Variants in TTC28 observed in about 807,000 individuals in gnomAD.
The protein encoded by TTC28 is tetratricopeptide repeat protein 28.
A neutral mutation model predicts 198.0 loss-of-function variants in TTC28; 61 were observed. The ratio of observed to expected loss-of-function variants is 0.31; its 90% CI spans 0.25 to 0.38. The LOEUF (loss-of-function observed/expected upper bound fraction) is 0.38, where lower values mean the gene tolerates loss of function less well. TTC28 is among the 10% of genes least tolerant of loss of function. TTC28 has a pLI of 1.00. For synonymous variants in TTC28, 1,171 were observed against 1,297.8 expected (o/e 0.90, Z 2.10); for missense variants, 2,678 against 3,164.0 (o/e 0.85, Z 3.69).
At chr22:28,006,495 C>T in intron 14 of TTC28, 1 of 152,226 alleles carries the variant, frequency 6.6e-6, no homozygotes, top group Non-Finnish European at 1.5e-5. Context: ...TTCCCTTTCT[C>T]TCTGGCGTTT....
At chr22:28,215,215 G>A (rs1927291123) in intron 5 of TTC28, among the ~76,000 whole-genome samples, 1 of 152,100 alleles carries the variant, frequency 6.6e-6, no homozygotes, top group South Asian at 2.1e-4. Context: ...ACACCAACAT[G>A]GCACATGTGT....
At chr22:28,364,076 CAG>C (rs777815139) in intron 2 of TTC28, among the ~76,000 whole-genome samples, 1 of 152,140 alleles carries the variant, frequency 6.6e-6, no homozygotes, top group Non-Finnish European at 1.5e-5. Context: ...TGGGAGGAAT[CAG>C]GGGCAGAATT....
chr22:27,989,464 G>A (rs563986826), intron 21 of TTC28, among the ~76,000 whole-genome samples: 2 of 152,320 alleles, frequency 1.3e-5, no homozygotes, highest in African/African-American at 4.8e-5. Context: ...CAGTGCAGAG[G>A]AAATGGCACA....
chr22:28,166,922 T>A (rs892017093), intron 5 of TTC28, among the ~76,000 whole-genome samples: 1 of 152,052 alleles, frequency 6.6e-6, no homozygotes, highest in African/African-American at 2.4e-5. Flanking sequence ...GATGGACTGC[T>A]AGAAAGACTA....
At chr22:28,637,469 A>G (rs989899701) in intron 1 of TTC28, among the ~76,000 whole-genome samples, 6 of 152,352 alleles carry the variant, frequency 3.9e-5, no homozygotes, top group African/African-American at 1.4e-4. Context: ...ATAGACTGCT[A>G]TAACTATGTT....
intron 12 of TTC28, among the ~76,000 whole-genome samples, chr22:28,039,367 G>A (rs1376016212): frequency 6.6e-6 from 1 of 152,156 alleles, no homozygotes; most frequent in Non-Finnish European, 1.5e-5. Context: ...CATGTCCTTT[G>A]TAGGGACATG....
At chr22:28,113,024 T>C (rs1200418269) in intron 6 of TTC28, among the ~76,000 whole-genome samples, 4 of 152,222 alleles carry the variant, frequency 2.6e-5, no homozygotes, top group Non-Finnish European at 5.9e-5. Flanking sequence ...AATGCGATCA[T>C]GCTCAGCAGA....
chr22:28,247,403 A>G (rs1198109928), intron 5 of TTC28, among the ~76,000 whole-genome samples: 2 of 152,192 alleles, frequency 1.3e-5, no homozygotes, highest in African/African-American at 2.4e-5. Context: ...TTACAGTTCA[A>G]CTCAGCTCAA....
chr22:28,622,191 T>C (rs1271694844), intron 2 of TTC28, among the ~76,000 whole-genome samples: 1 of 152,184 alleles, frequency 6.6e-6, no homozygotes, highest in Non-Finnish European at 1.5e-5. Flanking sequence ...ATAGTTTTTC[T>C]GGCCTGAGGA....
rs1229801209 is a variant in TTC28 at position 28,371,509 on chromosome 22, C to CAAAAAAAAAAAAAAAAAAAAAA, written c.382-64867_382-64866insTTTTTTTTTTTTTTTTTTTTTT. Among the ~76,000 whole-genome samples, 23 of 6,104 alleles carry CAAAAAAAAAAAAAAAAAAAAAA rather than the reference C, an allele frequency of 3.8e-3. 3 individuals carry two copies. Among genetic ancestry groups the CAAAAAAAAAAAAAAAAAAAAAA allele is most frequent in the Admixed American group, 9.3e-3 (2 of 216 alleles). 4.0% of individuals were successfully genotyped at this position (6,104 alleles called of 152,430 possible). A position where few individuals can be genotyped will look rare whatever the true frequency, so the allele number is the denominator to read the frequency against. ...TGGGCAACAGAGTGAGACCCTGTCT[C>CAAAAAAAAAAAAAAAAAAAAAA]AAAAAAAAAAAAAAAAAAAAGAGTT... On this transcript the variant is annotated intron_variant, in intron 2 of 22. Coordinates refer to ENST00000397906, the MANE Select transcript of TTC28 (RefSeq NM_001145418.2).
chr22:28,501,563 C>A (rs191637288), intron 2 of TTC28, among the ~76,000 whole-genome samples: 60 of 152,238 alleles, frequency 3.9e-4, no homozygotes, highest in Admixed American at 2.3e-3. Context: ...ATGTTCCCAA[C>A]ACATAGAACT....
rs539079112 is a variant in TTC28, at chr22:28,543,680, GA to G, written c.381+85871del. ...TGGACAATTCTATCAAATATTTAAGGAAAAAATAACAATCCTACACAGACAT... is the reference window on the plus strand; with the variant it reads ...TGGACAATTCTATCAAATATTTAAGGAAAAATAACAATCCTACACAGACAT... On this transcript the variant is annotated intron_variant, in intron 2 of 22. Transcript: ENST00000397906. Among the ~76,000 whole-genome samples, 29 of 152,028 alleles carry G rather than the reference GA, an allele frequency of 1.9e-4. No individual in the cohort carries two copies. In the South Asian group the frequency reaches 5.6e-3, roughly 29 times the overall value.
intron 22 of TTC28, among the ~76,000 whole-genome samples, chr22:27,984,696 C>T (rs1937151525): frequency 6.6e-6 from 1 of 152,238 alleles, no homozygotes; most frequent in African/African-American, 2.4e-5. Flanking sequence ...TTCCTGACCT[C>T]AGCAGAGGGC....
chr22:28,499,529 A>C (rs2048506365), intron 2 of TTC28, among the ~76,000 whole-genome samples: 1 of 152,172 alleles, frequency 6.6e-6, no homozygotes, highest in African/African-American at 2.4e-5. Context: ...CCTCTGGAAA[A>C]AAAAATGCAG....
At chr22:28,568,850 T>C (rs1050487757) in intron 2 of TTC28, among the ~76,000 whole-genome samples, 2 of 152,088 alleles carry the variant, frequency 1.3e-5, no homozygotes, top group African/African-American at 4.8e-5. Flanking sequence ...AAACACCTAT[T>C]CTAAAATTCA....
intron 5 of TTC28, among the ~76,000 whole-genome samples, chr22:28,243,274 T>C (rs1216796519): frequency 6.8e-6 from 1 of 148,118 alleles, no homozygotes; most frequent in East Asian, 2.0e-4. Context: ...GGAGGATCGC[T>C]TGAGCCTAGG....
At chr22:28,519,142 T>C (rs1352404125) in intron 2 of TTC28, among the ~76,000 whole-genome samples, 2 of 152,166 alleles carry the variant, frequency 1.3e-5, no homozygotes, top group African/African-American at 2.4e-5. Flanking sequence ...CCATTGATAA[T>C]ATACTAAGCG....
At chr22:28,254,732 G>T (rs1930769012) in intron 5 of TTC28, among the ~76,000 whole-genome samples, 1 of 152,062 alleles carries the variant, frequency 6.6e-6, no homozygotes, top group Non-Finnish European at 1.5e-5. Context: ...CAATACCAAA[G>T]CGTCAAGTAT....
intron 5 of TTC28, among the ~76,000 whole-genome samples, chr22:28,197,944 T>C (rs1212517489): frequency 6.6e-6 from 1 of 152,024 alleles, no homozygotes; most frequent in Non-Finnish European, 1.5e-5. Context: ...TAAAGGAAAA[T>C]AAGATTTCAC....
Sources: allele counts gnomAD v4.1 joint callset (sites outside exome capture counted in the v4.1 genomes callset), GRCh38; gene constraint gnomAD v4.1.1; transcripts MANE v1.5; gene names NCBI Gene and HGNC (gene_info 2026-07-23, HGNC 2026-07-21).